CFAP70: variants seen among roughly 807,000 people sequenced by gnomAD.
CFAP70 encodes the protein cilia and flagella associated protein 70, also known as cilia- and flagella-associated protein 70.
CFAP70 carries 81 observed loss-of-function variants against 137.6 expected under a neutral mutation model. The ratio of observed to expected loss-of-function variants is 0.59; its 90% confidence interval spans 0.49 to 0.71. The LOEUF is 0.71. CFAP70 is among the 30% of genes least tolerant of loss of function. The pLI, the probability that CFAP70 is intolerant of heterozygous loss-of-function variation, is 0.00. For missense variants in CFAP70, 976 were observed against 1,226.7 expected (o/e 0.80, Z 3.05); for synonymous variants, 382 against 423.6 (o/e 0.90, Z 1.20).
intron 12 of CFAP70, among the ~76,000 whole-genome samples, chr10:73,301,945 G>A (rs2048986790): frequency 6.6e-6 from 1 of 152,060 alleles, no homozygotes; most frequent in Non-Finnish European, 1.5e-5. Context: ...TGGTAGAGAA[G>A]TATATGGTAT....
intron 19 of CFAP70, among the ~76,000 whole-genome samples, chr10:73,286,826 T>G (rs181731485): frequency 1.3e-5 from 2 of 152,290 alleles, no homozygotes; most frequent in Admixed American, 1.3e-4. Context: ...TTCTATAGAT[T>G]ATGGATTAGC....
chr10:73,296,293 G>A (rs2048541181), intron 15 of CFAP70: 1 of 152,152 alleles, frequency 6.6e-6, no homozygotes, highest in Non-Finnish European at 1.5e-5. Context: ...AATCATCCAT[G>A]CCCAAGGCAG....
chr10:73,353,457 T>A (rs2054434591), intron 3 of CFAP70, 99 bp downstream of exon 3: 1 of 1,085,172 alleles, frequency 9.2e-7, no homozygotes, highest in Non-Finnish European at 1.3e-6. Context: ...ATGATTTTAG[T>A]TACATGTTTA....
At chr10:73,334,769 G>A (rs1323036030) in intron 7 of CFAP70, among the ~76,000 whole-genome samples, 6 of 151,674 alleles carry the variant, frequency 4.0e-5, no homozygotes, top group African/African-American at 9.7e-5. Flanking sequence ...TAGTAGAGAC[G>A]GGGTTTCACC....
At chr10:73,343,964 A>AT (rs200528605) in intron 5 of CFAP70, among the ~76,000 whole-genome samples, 30,144 of 146,520 alleles carry the variant, frequency 0.21, 5,464 homozygotes, top group African/African-American at 0.47. Flanking sequence ...CATATGAAGA[A>AT]TTTTTTTTTT....
At chr10:73,254,219 C>G in intron 26 of CFAP70, 164 bp from the exon 28 acceptor site, 1 of 442,202 alleles carries the variant, frequency 2.3e-6, no homozygotes, top group Non-Finnish European at 4.0e-6. Context: ...AGTAGAAGAC[C>G]TTAGAACCTT....
At chr10:73,342,761 A>G (rs79706970) in intron 5 of CFAP70, among the ~76,000 whole-genome samples, 10,915 of 152,208 alleles carry the variant, frequency 0.072, 639 homozygotes, top group East Asian at 0.3. Flanking sequence ...ATTTTATCAC[A>G]TAGCCAAGGT....
intron 15 of CFAP70, chr10:73,296,777 T>A (rs537853630): frequency 6.6e-5 from 17 of 255,750 alleles, no homozygotes; most frequent in African/African-American, 3.5e-4. Flanking sequence ...ATTTAATCTA[T>A]TTTTGACAAT....
At chr10:73,343,469 G>A (rs143076760) in intron 5 of CFAP70, among the ~76,000 whole-genome samples, 2,500 of 152,266 alleles carry the variant, frequency 0.016, 67 homozygotes, top group African/African-American at 0.057. Context: ...AGCACTTTGG[G>A]AGGCTGAGAC....
chr10:73,346,557 C>A (rs1034773258), intron 4 of CFAP70, among the ~76,000 whole-genome samples: 1 of 151,594 alleles, frequency 6.6e-6, no homozygotes, highest in Non-Finnish European at 1.5e-5. Context: ...GCAGGAGAAT[C>A]GCTTGAACTC....
At chr10:73,328,374 A>G (rs533309661) in intron 8 of CFAP70, among the ~76,000 whole-genome samples, 29 of 151,868 alleles carry the variant, frequency 1.9e-4, no homozygotes, top group African/African-American at 6.0e-4. Flanking sequence ...TAGACCTAAA[A>G]CCATAAAAAC....
intron 11 of CFAP70, among the ~76,000 whole-genome samples, chr10:73,311,049 C>G (rs1166689998): frequency 3.3e-5 from 5 of 152,114 alleles, no homozygotes; most frequent in Non-Finnish European, 1.5e-5. Flanking sequence ...GACTTTGAAA[C>G]CTTTGATGTG....
At chr10:73,336,070 G>T (rs1398467396) in intron 6 of CFAP70, among the ~76,000 whole-genome samples, 1 of 151,624 alleles carries the variant, frequency 6.6e-6, no homozygotes, top group Non-Finnish European at 1.5e-5. Flanking sequence ...GAGCCTAGGA[G>T]GTTGAGGCTA....
At chr10:73,287,766 T>C (rs2131874421) in intron 19 of CFAP70, among the ~76,000 whole-genome samples, 1 of 152,076 alleles carries the variant, frequency 6.6e-6, no homozygotes, top group South Asian at 2.1e-4. Context: ...GCCTAGAGGG[T>C]AAGCACTGAG....
At chr10:73,360,292 C>T (rs1437324438), upstream of CFAP70, among the ~76,000 whole-genome samples, 3 of 152,166 alleles carry the variant, frequency 2.0e-5, no homozygotes, top group African/African-American at 7.2e-5. Flanking sequence ...TCAATTTGCT[C>T]TCTTGACTTT....
At chr10:73,260,547 T>A (rs1026782184) in intron 25 of CFAP70, among the ~76,000 whole-genome samples, 3 of 152,182 alleles carry the variant, frequency 2.0e-5, no homozygotes, top group African/African-American at 7.2e-5. Context: ...AATTCACTAA[T>A]TTTAACGTTA....
intron 19 of CFAP70, among the ~76,000 whole-genome samples, chr10:73,282,327 A>G (rs372799750): frequency 2.0e-4 from 31 of 152,232 alleles, no homozygotes; most frequent in African/African-American, 6.0e-4. Flanking sequence ...ACACAATGAC[A>G]GGATTCAGAG....
chr10:73,329,054 G>A (rs1392553500), intron 8 of CFAP70, among the ~76,000 whole-genome samples: 22 of 151,636 alleles, frequency 1.5e-4, no homozygotes, highest in East Asian at 5.8e-4. Flanking sequence ...TGTTTATTGC[G>A]GCACTATTCA....
intron 19 of CFAP70, among the ~76,000 whole-genome samples, chr10:73,287,446 T>C (rs552483223): frequency 5.2e-4 from 79 of 152,352 alleles, no homozygotes; most frequent in African/African-American, 1.9e-3. Context: ...TTTATGTGTA[T>C]GAAAAAACGA....
Sources: gnomAD v4.1 joint callset for allele counts (sites outside exome capture counted in the v4.1 genomes callset) on GRCh38, gnomAD v4.1.1 for gene constraint, MANE v1.5 for transcripts, NCBI Gene and HGNC (gene_info 2026-07-23, HGNC 2026-07-21) for gene names.